The following GXYLT2 variants were observed in gnomAD, a reference collection of about 807,000 sequenced individuals.
GXYLT2 encodes glucoside xylosyltransferase 2.
A neutral mutation model predicts 45.8 loss-of-function variants in GXYLT2; 53 were observed. That is an observed-to-expected ratio of 1.16 (90% CI 0.93 to 1.46). The LOEUF is 1.46. Among genes scored for constraint, GXYLT2 ranks in the 40% most tolerant of loss-of-function variants. The probability of loss-of-function intolerance (pLI) is 0.00; values close to 1 mark genes in which losing one functional copy is unlikely to be tolerated. For missense variants in GXYLT2, 551 were observed against 544.4 expected (o/e 1.01, Z -0.12); for synonymous variants, 219 against 214.2 (o/e 1.02, Z -0.19).
intron 3 of GXYLT2, 92 bp downstream of exon 3, chr3:72,922,427 C>A: frequency 7.8e-7 from 1 of 1,276,460 alleles, no homozygotes; most frequent in Non-Finnish European, 1.1e-6. Flanking sequence ...AACTTAACAG[C>A]TGAAAACCTG....
intron 1 of GXYLT2, among the ~76,000 whole-genome samples, chr3:72,900,045 G>A (rs1283714174): frequency 6.6e-6 from 1 of 152,180 alleles, no homozygotes; most frequent in African/African-American, 2.4e-5. Context: ...TTCAGGAGAA[G>A]CGCTGATAAG....
chr3:72,907,519 A>G (rs148397549), intron 1 of GXYLT2, among the ~76,000 whole-genome samples: 26 of 152,156 alleles, frequency 1.7e-4, no homozygotes, highest in African/African-American at 6.3e-4. Flanking sequence ...CTTGACTGCA[A>G]ATGTTTCTCA....
Position 72,975,281 on chromosome 3 carries a change from A to C in GXYLT2, c.*122A>C. The C allele has an allele frequency of 3.0e-6, 2 of 673,548 alleles. No homozygotes were observed. The highest frequency in any genetic ancestry group is 4.7e-5 in the South Asian group (1 of 21,308). The allele number at this position is 673,548 out of a possible 1,614,324, so 41.7% of individuals were successfully genotyped here. On this transcript the variant is annotated 3_prime_UTR_variant, in exon 7 of 7. Coordinates refer to ENST00000389617, the MANE Select transcript of GXYLT2 (RefSeq NM_001080393.2). ...GCTCCATGACTGTTGAGTTTTAAAA[A>C]CCTCGTTAAATTTTGCCAAATCAGT...
chr3:72,908,953 T>C (rs371220215), intron 2 of GXYLT2, among the ~76,000 whole-genome samples: 1 of 152,088 alleles, frequency 6.6e-6, no homozygotes, highest in Non-Finnish European at 1.5e-5. Flanking sequence ...GTTGCCCAGG[T>C]TGGCTTAAGC....
intron 3 of GXYLT2, among the ~76,000 whole-genome samples, chr3:72,946,861 T>C (rs572014864): frequency 3.9e-5 from 6 of 152,196 alleles, no homozygotes; most frequent in Non-Finnish European, 8.8e-5. Context: ...TCTCCATCTG[T>C]TGCCTAGGCC....
intron 3 of GXYLT2, among the ~76,000 whole-genome samples, chr3:72,931,821 G>C (rs1461490134): frequency 2.0e-5 from 3 of 151,930 alleles, no homozygotes; most frequent in African/African-American, 4.8e-5. Context: ...AAAAACAGTA[G>C]AGGAGTAACA....
chr3:72,899,764 A>G (rs1234348916), intron 1 of GXYLT2, among the ~76,000 whole-genome samples: 1 of 152,218 alleles, frequency 6.6e-6, no homozygotes, highest in African/African-American at 2.4e-5. Context: ...TCCTTGTTAA[A>G]ATAGCAAAAA....
chr3:72,920,799 C>CATATAT lies in GXYLT2; in HGVS notation c.469-1394_469-1389dup, dbSNP rs377277874. On this transcript the variant is annotated intron_variant, in intron 2 of 6. Transcript: ENST00000389617. Reference sequence around the variant, plus strand: ...TTTCTTTACATATAAAATGTACATGCATATATATATATATATGTATTTTTT... The same window carrying CATATAT: ...TTTCTTTACATATAAAATGTACATGCATATATATATATATATATATATGTATTTTTT... Among the ~76,000 whole-genome samples the CATATAT allele has an allele frequency of 1.7e-3, 244 of 144,416 alleles. 2 individuals carry two copies. Among genetic ancestry groups the CATATAT allele is most frequent in the African/African-American group, 5.7e-3 (216 of 38,126 alleles). The allele number at this position is 144,416 out of a possible 152,430, so 94.7% of individuals were successfully genotyped here.
intron 5 of GXYLT2, among the ~76,000 whole-genome samples, chr3:72,963,669 ATTTTT>A (rs34028884): frequency 2.4e-5 from 3 of 123,396 alleles, no homozygotes; most frequent in Non-Finnish European, 4.9e-5. Context: ...TGCCTAGCTA[ATTTTT>A]TTTTTTTTTT....
intron 5 of GXYLT2, among the ~76,000 whole-genome samples, chr3:72,966,944 T>C (rs140030790): frequency 6.6e-6 from 1 of 152,176 alleles, no homozygotes; most frequent in African/African-American, 2.4e-5. Context: ...ATTTTTAAAA[T>C]TTGTATGGAG....
intron 1 of GXYLT2, among the ~76,000 whole-genome samples, chr3:72,901,184 G>A (rs1709397891): frequency 1.3e-5 from 2 of 152,008 alleles, no homozygotes; most frequent in South Asian, 4.1e-4. Flanking sequence ...AGCTATTCAG[G>A]AGGCTGAGAC....
rs879720652 is a variant in GXYLT2 at position 72,943,501 on chromosome 3, C to A, written c.601-11597C>A. The stretch of plus-strand genomic sequence containing the variant: ...AAGTGATCCTCCCTCCTCAGCCTCC[C>A]GAGTAGCTGGGACCACAGGCACGCC... On this transcript the variant is annotated intron_variant, in intron 3 of 6. Transcript: ENST00000389617. Among the ~76,000 whole-genome samples, 34 of 151,750 alleles carry A rather than the reference C, an allele frequency of 2.2e-4. No homozygotes were observed. The East Asian group carries it at 2.5e-3, about 11-fold the overall frequency.
intron 1 of GXYLT2, among the ~76,000 whole-genome samples, chr3:72,893,473 C>T (rs1709222282): frequency 6.6e-6 from 1 of 152,180 alleles, no homozygotes; most frequent in African/African-American, 2.4e-5. Flanking sequence ...CTTCCTTACC[C>T]TGTGTAGTCT....
intron 3 of GXYLT2, among the ~76,000 whole-genome samples, chr3:72,942,026 C>T (rs1261488328): frequency 1.3e-5 from 2 of 151,760 alleles, no homozygotes; most frequent in Non-Finnish European, 2.9e-5. Context: ...GCAAGATGCC[C>T]CTGGAGTTAA....
intron 1 of GXYLT2, among the ~76,000 whole-genome samples, chr3:72,889,115 C>G (rs989492115): frequency 4.0e-5 from 6 of 151,508 alleles, no homozygotes; most frequent in Non-Finnish European, 8.8e-5. Context: ...GGTCCTCCTA[C>G]AAGAAAAACA....
At chr3:72,932,055 T>C (rs979469705) in intron 3 of GXYLT2, among the ~76,000 whole-genome samples, 2 of 151,898 alleles carry the variant, frequency 1.3e-5, no homozygotes, top group African/African-American at 4.8e-5. Flanking sequence ...TTGAATTCTG[T>C]GGATTGTCTT....
At chr3:72,971,010 T>A (rs1710978093) in intron 6 of GXYLT2, among the ~76,000 whole-genome samples, 1 of 152,238 alleles carries the variant, frequency 6.6e-6, no homozygotes, top group African/African-American at 2.4e-5. Flanking sequence ...CTGTGCTTAA[T>A]GATATCCTCA....
At chr3:72,914,095 T>G (rs981615742) in intron 2 of GXYLT2, among the ~76,000 whole-genome samples, 2 of 152,130 alleles carry the variant, frequency 1.3e-5, no homozygotes, top group African/African-American at 4.8e-5. Flanking sequence ...GGATAACTTC[T>G]GGGAAGCTCA....
At chr3:72,910,594 G>A (rs185701248) in intron 2 of GXYLT2, among the ~76,000 whole-genome samples, 3 of 152,324 alleles carry the variant, frequency 2.0e-5, no homozygotes, top group East Asian at 3.9e-4. Flanking sequence ...CTTCCCAGGG[G>A]ACAGAGCCTC....
Sources: allele counts gnomAD v4.1 joint callset (sites outside exome capture counted in the v4.1 genomes callset), GRCh38; gene constraint gnomAD v4.1.1; transcripts MANE v1.5; gene names NCBI Gene and HGNC (gene_info 2026-07-23, HGNC 2026-07-21).